Variants in MBTPS1 observed in about 807,000 individuals in gnomAD.
The protein encoded by MBTPS1 is membrane bound transcription factor peptidase, site 1.
A neutral mutation model predicts 127.8 loss-of-function variants in MBTPS1; 94 were observed. That is an observed-to-expected ratio of 0.74 (90% CI 0.62 to 0.87). The LOEUF (loss-of-function observed/expected upper bound fraction) is 0.87. MBTPS1 is among the 40% of genes least tolerant of loss of function. The probability of loss-of-function intolerance (pLI) is 0.00; values close to 1 mark genes in which losing one functional copy is unlikely to be tolerated. For synonymous variants in MBTPS1, 632 were observed against 509.4 expected, an observed-to-expected ratio of 1.24 and a Z score of -3.24; for missense variants, 1,636 against 1,353.2, an observed-to-expected ratio of 1.21 and a Z score of -3.28.
In MBTPS1 at chr16:84,101,664, G is replaced by A. The variant is rs1477118115; in HGVS notation, c.120C>T (p.His40=). Residue 40 remains histidine, a synonymous_variant, in exon 2 of 23, where the codon CAC becomes CAT. Transcript: ENST00000343411. The part of the protein sequence containing the change: ...FEKAPCPGCS[H]LTLKVEFSST... ...ATGAGAATTCCACCTTCAAAGTCAG[G>A]TGGGAACAGCCAGGGCATGGGGCCT... 1 of 1,613,992 alleles carries A rather than the reference G, an allele frequency of 6.2e-7. No homozygotes were observed. Among genetic ancestry groups the A allele is most frequent in the Non-Finnish European group, 8.5e-7 (1 of 1,179,964 alleles).
intron 4 of MBTPS1, among the ~76,000 whole-genome samples, chr16:84,094,804 C>G (rs983905420): frequency 6.6e-6 from 1 of 151,952 alleles, no homozygotes; most frequent in Non-Finnish European, 1.5e-5. Flanking sequence ...TAATGAAATG[C>G]CAGTCCACCG....
chr16:84,101,924 A>C lies in MBTPS1; in HGVS notation c.-141T>G. On this transcript the variant is annotated 5_prime_UTR_variant, in exon 2 of 23. Transcript: ENST00000343411. ...TTACAGTCTTGCCCAACATAAATAA[A>C]AGTTAAATCCCATGGCCTTTTGTGG... 1.4e-6 allele frequency: 1 copy of C among 738,456 alleles called. No homozygotes were observed. Among genetic ancestry groups the C allele is most frequent in the Non-Finnish European group, 2.2e-6 (1 of 447,424 alleles). The allele number at this position is 738,456 out of a possible 1,614,324, so 45.7% of individuals were successfully genotyped here. A position where few individuals can be genotyped will look rare whatever the true frequency, so the allele number is the denominator to read the frequency against.
chr16:84,083,780 C>T (rs191053822), intron 10 of MBTPS1, among the ~76,000 whole-genome samples: 2 of 152,232 alleles, frequency 1.3e-5, no homozygotes, highest in East Asian at 3.9e-4. Flanking sequence ...TATCACAACA[C>T]TCAACTAAAA....
chr16:84,097,872 T>TGTGTG lies in MBTPS1; in HGVS notation c.421+1180_421+1181insCACAC, dbSNP rs1486515850. Among the ~76,000 whole-genome samples, 463 of 92,248 alleles carry TGTGTG rather than the reference T, an allele frequency of 5.0e-3. 2 individuals carry two copies. The highest frequency in any genetic ancestry group is 7.8e-3 in the African/African-American group (205 of 26,332). 60.5% of individuals were successfully genotyped at this position (92,248 alleles called of 152,430 possible). A position where few individuals can be genotyped will look rare whatever the true frequency, so the allele number is the denominator to read the frequency against. On this transcript the variant is annotated intron_variant, in intron 3 of 22. Coordinates refer to ENST00000343411, the MANE Select transcript of MBTPS1 (RefSeq NM_003791.4). ...TGTGTGTGTGTGTGTGTGTGTGTGTTTGTGTGTGTGTTTAATGCAGCAAAA... is the reference window on the plus strand; with the variant it reads ...TGTGTGTGTGTGTGTGTGTGTGTGTTGTGTGTGTGTGTGTGTTTAATGCAGCAAAA...
chr16:84,068,135 A>G (rs184631913), intron 15 of MBTPS1, among the ~76,000 whole-genome samples: 12 of 152,380 alleles, frequency 7.9e-5, no homozygotes, highest in African/African-American at 1.2e-4. Flanking sequence ...CCCTGTCTCC[A>G]ATCAGCCTGT....
intron 12 of MBTPS1, among the ~76,000 whole-genome samples, 187 bp from the exon 13 acceptor site, chr16:84,070,963 G>A (rs553668048): frequency 1.5e-3 from 226 of 152,296 alleles, no homozygotes; most frequent in Non-Finnish European, 2.2e-3. Flanking sequence ...TGCCTCGGAC[G>A]TATCACTAGA....
chr16:84,072,154 C>A (rs921714291), intron 12 of MBTPS1: 1 of 152,250 alleles, frequency 6.6e-6, no homozygotes, highest in African/African-American at 2.4e-5. Flanking sequence ...CAGCGCGGCA[C>A]TGACAGCACT....
intron 10 of MBTPS1, among the ~76,000 whole-genome samples, chr16:84,084,704 G>C (rs2085993647): frequency 6.6e-6 from 1 of 152,188 alleles, no homozygotes; most frequent in Non-Finnish European, 1.5e-5. Context: ...TGGGATATTA[G>C]AAAACAGAAC....
In MBTPS1 at chr16:84,095,809, CAGGCAAGGGAGAGAA is replaced by C. The variant is rs1278581298; in HGVS notation, c.422-19_422-5del. ...TTGCAGGGTACTGTGGGGTCAGCTA[CAGGCAAGGGAGAGAA>C]AGATCAGAACAGAAGAGCAAAACGA... On this transcript the variant is annotated splice_region_variant and splice_polypyrimidine_tract_variant and intron_variant, in intron 3 of 22. Coordinates refer to ENST00000343411, the MANE Select transcript of MBTPS1 (RefSeq NM_003791.4). 6.2e-7 allele frequency: 1 copy of C among 1,612,314 alleles called. No homozygotes were observed. The highest frequency in any genetic ancestry group is 8.5e-7 in the Non-Finnish European group (1 of 1,179,216).
At position 84,076,317 on chromosome 16, in the gene MBTPS1, T is replaced by A. The variant is rs574181991; in HGVS notation, c.1449-1576A>T. 2.0e-5 allele frequency among the ~76,000 whole-genome samples: 3 copies of A among 152,186 alleles called. No homozygotes were observed. In the South Asian group the frequency reaches 6.2e-4, roughly 32 times the overall value. On this transcript the variant is annotated intron_variant, in intron 11 of 22. Transcript: ENST00000343411. ...CATATATATATAGATATACACACCT[T>A]AGGGATAAATCCAGCATCTTACTTA...
At chr16:84,062,575 C>T (rs375671560) in intron 19 of MBTPS1, among the ~76,000 whole-genome samples, 49 of 152,186 alleles carry the variant, frequency 3.2e-4, no homozygotes, top group Non-Finnish European at 5.1e-4. Context: ...CCCTGTGCCT[C>T]GAGTTCCCCA....
intron 3 of MBTPS1, among the ~76,000 whole-genome samples, chr16:84,096,848 G>T (rs528586935): frequency 1.3e-5 from 2 of 152,212 alleles, no homozygotes; most frequent in African/African-American, 4.8e-5. Flanking sequence ...TGACTGAAGA[G>T]CAACACTGAG....
chr16:84,056,347 T>G (rs2085521628), intron 21 of MBTPS1: 4 of 502,970 alleles, frequency 8.0e-6, no homozygotes, highest in Non-Finnish European at 1.4e-5. Context: ...ATCAAGTCCC[T>G]GTTCATGAGA....
At chr16:84,072,373 AG>A (rs371941906) in intron 12 of MBTPS1, among the ~76,000 whole-genome samples, 2 of 152,304 alleles carry the variant, frequency 1.3e-5, no homozygotes, top group East Asian at 3.9e-4. Context: ...TTCCTGAAGG[AG>A]ATGTTGGCAC....
Position 84,091,787 on chromosome 16 carries a change from AC to A in MBTPS1, c.907del (p.Val303CysfsTer2). The part of the protein sequence containing the change: ...FNYAILKKID[V>X]LNLSIGGPDF... ...CGGGCCGCCGATGCTGAGGTTTAAC[AC>A]GTCGATCTTCTTTAAAATGGCATAG... On this transcript the variant is annotated frameshift_variant, in exon 7 of 23. Coordinates refer to ENST00000343411, the MANE Select transcript of MBTPS1 (RefSeq NM_003791.4). LOFTEE classifies it high-confidence loss of function. 1 of 1,614,196 alleles carries A rather than the reference AC, an allele frequency of 6.2e-7. No individual in the cohort carries two copies. Among genetic ancestry groups the A allele is most frequent in the Non-Finnish European group, 8.5e-7 (1 of 1,180,024 alleles).
intron 10 of MBTPS1, among the ~76,000 whole-genome samples, chr16:84,083,121 C>G (rs1293722475): frequency 1.3e-5 from 2 of 152,210 alleles, no homozygotes; most frequent in Non-Finnish European, 2.9e-5. Flanking sequence ...GCCCTCACTT[C>G]CTGCTAACAA....
At chr16:84,086,419 C>T (rs2151159473) in intron 9 of MBTPS1, 1 of 152,532 alleles carries the variant, frequency 6.6e-6, no homozygotes, top group South Asian at 2.1e-4. Flanking sequence ...GGAGGACACG[C>T]AGCCTGCCCT....
At chr16:84,075,818 T>C (rs990258938) in intron 11 of MBTPS1, among the ~76,000 whole-genome samples, 2 of 152,212 alleles carry the variant, frequency 1.3e-5, no homozygotes, top group Non-Finnish European at 2.9e-5. Flanking sequence ...TCTCAACAGA[T>C]ACCACCTTCA....
At chr16:84,070,136 A>G in intron 13 of MBTPS1, 98 bp from the exon 14 acceptor site, 4 of 1,029,084 alleles carry the variant, frequency 3.9e-6, no homozygotes, top group Non-Finnish European at 5.6e-6. Context: ...TAACCTAAAT[A>G]ATTTGAACAC....
Sources: gnomAD v4.1 joint callset for allele counts (sites outside exome capture counted in the v4.1 genomes callset) on GRCh38, gnomAD v4.1.1 for gene constraint, MANE v1.5 for transcripts, NCBI Gene and HGNC (gene_info 2026-07-23, HGNC 2026-07-21) for gene names.